Variants in STARD13 observed in about 807,000 individuals in gnomAD.
STARD13 encodes stAR-related lipid transfer protein 13.
STARD13 carries 62 observed loss-of-function variants against 106.4 expected under a neutral mutation model. The observed-to-expected ratio is 0.58, with a 90% CI of 0.48 to 0.72. The LOEUF is 0.72. Ranked by LOEUF, STARD13 falls within the 30% of genes least tolerant of loss-of-function variation. The pLI is 0.00. For synonymous variants in STARD13, 565 were observed against 553.0 expected, an observed-to-expected ratio of 1.02 and a Z score of -0.31; for missense variants, 1,387 against 1,424.0, an observed-to-expected ratio of 0.97 and a Z score of 0.42.
At chr13:33,621,988 A>G in the STARD13 span, among the ~76,000 whole-genome samples, 1 of 151,706 alleles carries the variant, frequency 6.6e-6, no homozygotes, top group Admixed American at 6.6e-5. Context: ...TACTTTTAGT[A>G]GAGAAGGGGT....
intron 7 of STARD13, 119 bp from the exon 8 acceptor site, chr13:33,118,382 T>A: frequency 1.3e-6 from 1 of 791,996 alleles, no homozygotes; most frequent in Non-Finnish European, 2.2e-6. Flanking sequence ...CATGCTGAAC[T>A]ACTAGTATAG....
downstream of STARD13, among the ~76,000 whole-genome samples, chr13:33,347,616 T>A (rs2078031426): frequency 6.6e-6 from 1 of 152,176 alleles, no homozygotes. Context: ...TTGCCTACAG[T>A]ATTTAGTATA....
At chr13:33,128,002 G>C (rs1488471035) in intron 5 of STARD13, among the ~76,000 whole-genome samples, 1 of 103,346 alleles carries the variant, frequency 9.7e-6, no homozygotes, top group Admixed American at 1.0e-4. Context: ...GAGAGAGACA[G>C]ATGTAGATGG....
the STARD13 span, among the ~76,000 whole-genome samples, chr13:33,591,730 T>C: frequency 6.6e-6 from 1 of 152,326 alleles, no homozygotes; most frequent in South Asian, 2.1e-4. Flanking sequence ...AGCTAGGCTT[T>C]ACACACGACA....
chr13:33,424,456 G>C, the STARD13 span, among the ~76,000 whole-genome samples: 3 of 152,268 alleles, frequency 2.0e-5, no homozygotes, highest in South Asian at 6.2e-4. Flanking sequence ...TAAGCATTCT[G>C]CGCACATTAT....
chr13:33,398,086 T>G, the STARD13 span, among the ~76,000 whole-genome samples: 1 of 152,184 alleles, frequency 6.6e-6, no homozygotes, highest in African/African-American at 2.4e-5. Flanking sequence ...GGGCAATAAA[T>G]GATCTTCTCC....
At position 33,129,570 on chromosome 13, in the gene STARD13, C is replaced by G; in HGVS notation, c.1107G>C (p.Val369=). Residue 369 remains valine, a synonymous_variant, in exon 5 of 14, where the codon GTG becomes GTC. Coordinates refer to ENST00000336934, the MANE Select transcript of STARD13 (RefSeq NM_178006.4). ...CATCCGGCAGTGCTGTCCCCGCCAGCACATCTAGGTCCTCCAAGTACATGC... is the reference window on the plus strand; with the variant it reads ...CATCCGGCAGTGCTGTCCCCGCCAGGACATCTAGGTCCTCCAAGTACATGC... ...RGGMYLEDLD[V]LAGTALPDAG... is the part of the protein sequence containing the mutation. 6.2e-7 allele frequency: 1 copy of G among 1,614,146 alleles called. No individual in the cohort carries two copies. The highest frequency in any genetic ancestry group is 8.5e-7 in the Non-Finnish European group (1 of 1,180,034).
the STARD13 span, among the ~76,000 whole-genome samples, chr13:33,622,954 C>T: frequency 6.6e-6 from 1 of 151,144 alleles, no homozygotes; most frequent in Non-Finnish European, 1.5e-5. Flanking sequence ...CAAAAATCAG[C>T]TGGGTGTGGT....
At chr13:33,569,363 A>G in the STARD13 span, among the ~76,000 whole-genome samples, 19 of 147,984 alleles carry the variant, frequency 1.3e-4, 3 homozygotes, top group African/African-American at 4.4e-4. Context: ...TGAAGACCTT[A>G]TGTAAATTAA....
the STARD13 span, among the ~76,000 whole-genome samples, chr13:33,604,560 G>T: frequency 6.6e-6 from 1 of 152,122 alleles, no homozygotes; most frequent in South Asian, 2.1e-4. Context: ...AATTTGGGAG[G>T]CCAAGACAGG....
intron 1 of STARD13, among the ~76,000 whole-genome samples, chr13:33,181,402 A>G (rs1444226707): frequency 1.3e-5 from 2 of 152,346 alleles, no homozygotes; most frequent in South Asian, 2.1e-4. Context: ...TTGCAGGTAC[A>G]CATTACCAGA....
At chr13:33,439,511 T>C in the STARD13 span, among the ~76,000 whole-genome samples, 4 of 152,240 alleles carry the variant, frequency 2.6e-5, no homozygotes, top group Non-Finnish European at 5.9e-5. Flanking sequence ...GAAAACCCAA[T>C]GAACTTTTCC....
intron 1 of STARD13, among the ~76,000 whole-genome samples, chr13:33,317,631 T>A (rs1893390342): frequency 6.6e-6 from 1 of 152,136 alleles, no homozygotes; most frequent in East Asian, 1.9e-4. Context: ...ATATCTTATC[T>A]ATAAGAACCC....
At chr13:33,402,628 A>G in the STARD13 span, among the ~76,000 whole-genome samples, 1 of 152,202 alleles carries the variant, frequency 6.6e-6, no homozygotes, top group African/African-American at 2.4e-5. Flanking sequence ...TCCTGTACCC[A>G]TATAAATCCC....
intron 1 of STARD13, among the ~76,000 whole-genome samples, chr13:33,322,627 A>C (rs1011147206): frequency 1.3e-5 from 2 of 152,256 alleles, no homozygotes; most frequent in Non-Finnish European, 2.9e-5. Flanking sequence ...GCAGTGACGT[A>C]AAAAGCTGCA....
the STARD13 span, among the ~76,000 whole-genome samples, chr13:33,458,252 T>C: frequency 6.6e-6 from 1 of 151,054 alleles, no homozygotes; most frequent in Non-Finnish European, 1.5e-5. Context: ...AATATATAGG[T>C]TTTTTTGTTT....
intron 1 of STARD13, among the ~76,000 whole-genome samples, chr13:33,203,747 A>G (rs1341577686): frequency 6.6e-6 from 1 of 152,244 alleles, no homozygotes; most frequent in East Asian, 1.9e-4. Flanking sequence ...CAAAAGTATT[A>G]CTACATAAGA....
intron 3 of STARD13, among the ~76,000 whole-genome samples, chr13:33,145,727 T>A (rs754518311): frequency 3.4e-4 from 51 of 152,138 alleles, no homozygotes; most frequent in Non-Finnish European, 6.6e-4. Context: ...TATACATGAA[T>A]CTCAGAGTCA....
intron 1 of STARD13, among the ~76,000 whole-genome samples, chr13:33,178,610 G>A (rs1884939832): frequency 6.6e-6 from 1 of 152,190 alleles, no homozygotes; most frequent in Non-Finnish European, 1.5e-5. Context: ...ACTAACAGGA[G>A]CCAGGAAATT....
Sources: gnomAD v4.1 joint callset for allele counts (sites outside exome capture counted in the v4.1 genomes callset) on GRCh38, gnomAD v4.1.1 for gene constraint, MANE v1.5 for transcripts, NCBI Gene and HGNC (gene_info 2026-07-23, HGNC 2026-07-21) for gene names.